KCNAB3: variants seen among roughly 807,000 people sequenced by gnomAD.
KCNAB3 encodes the protein voltage-gated potassium channel subunit beta-3.
A neutral mutation model predicts 67.7 loss-of-function variants in KCNAB3; 62 were observed. The ratio of observed to expected loss-of-function variants is 0.92; its 90% CI spans 0.75 to 1.13. KCNAB3 has a LOEUF of 1.13. KCNAB3 is among the 50% of genes most tolerant of loss of function. The pLI, the probability that KCNAB3 is intolerant of heterozygous loss-of-function variation, is 0.00. For missense variants in KCNAB3, 514 were observed against 522.9 expected, an observed-to-expected ratio of 0.98 and a Z score of 0.17; for synonymous variants, 212 against 205.4, an observed-to-expected ratio of 1.03 and a Z score of -0.27.
chr17:7,924,508 C>G lies in KCNAB3; in HGVS notation c.626-8G>C. 1.9e-6 allele frequency: 3 copies of G among 1,610,832 alleles called. No individual in the cohort carries two copies. The highest frequency in any genetic ancestry group is 2.5e-6 in the Non-Finnish European group (3 of 1,177,956). On this transcript the variant is annotated splice_polypyrimidine_tract_variant and splice_region_variant and intron_variant, in intron 8 of 13. Coordinates refer to ENST00000303790, the MANE Select transcript of KCNAB3 (RefSeq NM_004732.4). ...TCATGGCTCGCACAATCTCTAGGTA[C>G]ACAGGAGAGGGAAAGCCTTACTGTC... is the stretch of plus-strand genomic sequence containing the variant.
intron 8 of KCNAB3, 160 bp downstream of exon 8, chr17:7,924,937 G>C (rs1348137546): frequency 1.6e-5 from 10 of 637,674 alleles, no homozygotes; most frequent in East Asian, 3.0e-5. Flanking sequence ...GTAGAGACAG[G>C]GTCTTGCTAT....
chr17:7,927,145 A>G, intron 4 of KCNAB3, 199 bp downstream of exon 4: 1 of 642,544 alleles, frequency 1.6e-6, no homozygotes. Context: ...GCTGCACAGT[A>G]CGCCCATTGA....
chr17:7,926,203 C>A, intron 4 of KCNAB3, 100 bp from the exon 5 acceptor site: 1 of 1,398,198 alleles, frequency 7.2e-7, no homozygotes, highest in Non-Finnish European at 1.0e-6. Flanking sequence ...GGATATAAAC[C>A]AGGAGTCCAT....
In KCNAB3 at chr17:7,929,352, G is replaced by A. The variant is rs1022802023; in HGVS notation, c.84C>T (p.Pro28=). 1.7e-5 allele frequency: 27 copies of A among 1,549,374 alleles called. No individual in the cohort carries two copies. The highest frequency in any genetic ancestry group is 1.9e-5 in the Non-Finnish European group (22 of 1,146,866). Reference sequence around the variant, plus strand: ...CGGCCGGCCCACCATTACCGCCCCCGGGGCCCGGCCGGGGTCCACACAGAC... The same window carrying A: ...CGGCCGGCCCACCATTACCGCCCCCAGGGCCCGGCCGGGGTCCACACAGAC... ...EDRLCGPRPG[P]GGGNGGPAGG... Residue 28 remains proline, a synonymous_variant, in exon 1 of 14, where the codon CCC becomes CCT. Coordinates refer to ENST00000303790, the MANE Select transcript of KCNAB3 (RefSeq NM_004732.4). This position sits in a 1 kb window ranked among gnomAD's most constrained non-coding sequence, Gnocchi z 5.7.
Position 7,926,082 on chromosome 17 carries a change from G to A in KCNAB3, c.426C>T (p.Asn142=), listed in dbSNP as rs1174110871. ...ACCTCCAACCTTTGCTCTTGAGGAT[G>A]TTCCCTAGGGTTCTTTCAGCCCTAA... The part of the protein sequence containing the change: ...AAGKAERTLG[N]ILKSKGWRRS... Residue 142 remains asparagine, a synonymous_variant, in exon 5 of 14, where the codon AAC becomes AAT. Transcript: ENST00000303790. 6.2e-7 allele frequency: 1 copy of A among 1,614,020 alleles called. No homozygotes were observed. The highest frequency in any genetic ancestry group is 1.3e-5 in the African/African-American group (1 of 74,908).
chr17:7,925,870 C>CCAAAACCAAA, intron 6 of KCNAB3, 61 bp downstream of exon 6: 1 of 1,516,028 alleles, frequency 6.6e-7, no homozygotes, highest in Non-Finnish European at 9.2e-7. Context: ...ACCCCCACCC[C>CCAAAACCAAA]ATACACCTTC....
rs761421717 is a variant in KCNAB3 at position 7,923,077 on chromosome 17, G to A, written c.*25C>T. Reference sequence around the variant, plus strand: ...GCTCGGGCGGGTGCAGCGACACCGGGTTGGGTCCCTGCGCCCGCGACAGAC... The same window carrying A: ...GCTCGGGCGGGTGCAGCGACACCGGATTGGGTCCCTGCGCCCGCGACAGAC... On this transcript the variant is annotated 3_prime_UTR_variant, in exon 14 of 14. Coordinates refer to ENST00000303790, the MANE Select transcript of KCNAB3 (RefSeq NM_004732.4). 1.2e-6 allele frequency: 2 copies of A among 1,609,744 alleles called. No individual in the cohort carries two copies. Among genetic ancestry groups the A allele is most frequent in the East Asian group, 2.2e-5 (1 of 44,854 alleles).
chr17:7,925,673 T>C lies in KCNAB3; in HGVS notation c.538+10A>G. Reference sequence around the variant, plus strand: ...CCCCTCACTTTGGGTTTCCAGCCCCTAACTCTCACCCTCAATGATGTGCTT... The same window carrying C: ...CCCCTCACTTTGGGTTTCCAGCCCCCAACTCTCACCCTCAATGATGTGCTT... On this transcript the variant is annotated intron_variant, in intron 7 of 13. Transcript: ENST00000303790. 6.2e-7 allele frequency: 1 copy of C among 1,613,746 alleles called. No individual in the cohort carries two copies. The highest frequency in any genetic ancestry group is 2.2e-5 in the East Asian group (1 of 44,860).
In KCNAB3 at chr17:7,927,644, C is replaced by T. The variant is rs774617696; in HGVS notation, c.324+13G>A. 4 of 1,613,986 alleles carry T rather than the reference C, an allele frequency of 2.5e-6. No homozygotes were observed. Among genetic ancestry groups the T allele is most frequent in the Middle Eastern group, 1.6e-4 (1 of 6,062 alleles). On this transcript the variant is annotated intron_variant, in intron 3 of 13. Coordinates refer to ENST00000303790, the MANE Select transcript of KCNAB3 (RefSeq NM_004732.4). ...ACCCCCACCACCCTGATTCTAGGTCCGATAACTTATACCTCATCTGAGATC... is the reference window on the plus strand; with the variant it reads ...ACCCCCACCACCCTGATTCTAGGTCTGATAACTTATACCTCATCTGAGATC...
Position 7,929,398 on chromosome 17 carries a change from C to G in KCNAB3, c.38G>C (p.Arg13Pro). ...CAGACGGTCCTCACTGCTCCGGCTGCGAAGGTTCTGCTCGGTACACGCGAT... is the reference window on the plus strand; with the variant it reads ...CAGACGGTCCTCACTGCTCCGGCTGGGAAGGTTCTGCTCGGTACACGCGAT... Reference protein sequence around the residue: ...VSIACTEQNLRSRSSEDRLCG... With the variant: ...VSIACTEQNLPSRSSEDRLCG... Residue 13 changes from arginine (R) to proline (P), a missense_variant, in exon 1 of 14, where the codon CGC becomes CCC. Physicochemically the swap from Arg to Pro is moderately radical, Grantham distance 103. Coordinates refer to ENST00000303790, the MANE Select transcript of KCNAB3 (RefSeq NM_004732.4). The surrounding 1 kb of genome is among the most constrained non-coding windows in gnomAD (Gnocchi z 5.7). 6.5e-7 allele frequency: 1 copy of G among 1,548,372 alleles called. No individual in the cohort carries two copies.
At chr17:7,925,761 C>CA (rs776261541) in intron 6 of KCNAB3, 35 bp from the exon 7 acceptor site, 5 of 1,613,638 alleles carry the variant, frequency 3.1e-6, no homozygotes, top group Non-Finnish European at 3.4e-6. Flanking sequence ...TGAGATGTGA[C>CA]AAAGATAGGG....
In KCNAB3 at chr17:7,923,799, A is replaced by G. The variant is rs1203732544; in HGVS notation, c.960T>C (p.Ser320=). The change falls in exon 12 of 14, where the codon AGT becomes AGC. Residue 320 remains serine, a synonymous_variant. Coordinates refer to ENST00000303790, the MANE Select transcript of KCNAB3 (RefSeq NM_004732.4). ...TGGCTTGTTGCTTCTTGCCATCTTC[A>G]CTCTGCACTTTGTCCTTGAGCCACT... is the stretch of plus-strand genomic sequence containing the variant. ...GYQWLKDKVQ[S]EDGKKQQAKV... 2.5e-6 allele frequency: 4 copies of G among 1,580,974 alleles called. No homozygotes were observed. Among genetic ancestry groups the G allele is most frequent in the Non-Finnish European group, 3.4e-6 (4 of 1,162,946 alleles).
At chr17:7,923,260 G>T in intron 13 of KCNAB3, 81 bp from the exon 14 acceptor site, 6 of 1,428,126 alleles carry the variant, frequency 4.2e-6, no homozygotes, top group Non-Finnish European at 5.9e-6. Flanking sequence ...AGCCGGGGAA[G>T]CACCACAGTG....
rs1598040087 is a variant in KCNAB3, at chr17:7,929,478, A to AG, written c.-44dup. 2.7e-6 allele frequency: 3 copies of AG among 1,097,362 alleles called. No homozygotes were observed. Among genetic ancestry groups the AG allele is most frequent in the Admixed American group, 2.4e-5 (1 of 40,902 alleles). The allele number at this position is 1,097,362 out of a possible 1,614,324, so 68.0% of individuals were successfully genotyped here. ...GGGGAGGGGGCTCCGAGGGGACGGG[A>AG]GGGGGGAGCAGGGAAGCCCGAGGGC... On this transcript the variant is annotated 5_prime_UTR_variant, in exon 1 of 14. Coordinates refer to ENST00000303790, the MANE Select transcript of KCNAB3 (RefSeq NM_004732.4). The surrounding 1 kb of genome is among the most constrained non-coding windows in gnomAD (Gnocchi z 5.7).
rs747528432 is a variant in KCNAB3, at chr17:7,929,516, G to A, written c.-81C>T. 206 of 1,531,414 alleles carry A rather than the reference G, an allele frequency of 1.3e-4. No individual in the cohort carries two copies. Among genetic ancestry groups the A allele is most frequent in the Non-Finnish European group, 1.7e-4 (198 of 1,142,262 alleles). 94.9% of individuals were successfully genotyped at this position (1,531,414 alleles called of 1,614,324 possible). A position where few individuals can be genotyped will look rare whatever the true frequency, so the allele number is the denominator to read the frequency against. The stretch of plus-strand genomic sequence containing the variant: ...GAAGCCCGAGGGCTGACGACCGGGG[G>A]CGTAGTGGGGCGAACCCCGGCAGAG... On this transcript the variant is annotated 5_prime_UTR_variant, in exon 1 of 14. Coordinates refer to ENST00000303790, the MANE Select transcript of KCNAB3 (RefSeq NM_004732.4). This position sits in a 1 kb window ranked among gnomAD's most constrained non-coding sequence, Gnocchi z 5.7.
intron 1 of KCNAB3, chr17:7,928,358 G>T (rs919063542): frequency 1.2e-5 from 2 of 172,292 alleles, no homozygotes; most frequent in East Asian, 1.6e-4. Context: ...CTGGGGGGAG[G>T]GGGGAGAGTA....
chr17:7,923,084 C>A lies in KCNAB3; in HGVS notation c.*18G>T, dbSNP rs762534110. The A allele has an allele frequency of 6.2e-7, 1 of 1,613,302 alleles. No individual in the cohort carries two copies. The highest frequency in any genetic ancestry group is 2.2e-5 in the East Asian group (1 of 44,876). On this transcript the variant is annotated 3_prime_UTR_variant, in exon 14 of 14. Coordinates refer to ENST00000303790, the MANE Select transcript of KCNAB3 (RefSeq NM_004732.4). The stretch of plus-strand genomic sequence containing the variant: ...CGGGTGCAGCGACACCGGGTTGGGT[C>A]CCTGCGCCCGCGACAGACTACTTCT...
chr17:7,927,624 C>T (rs897899981), intron 3 of KCNAB3, 33 bp downstream of exon 3: 1 of 1,613,540 alleles, frequency 6.2e-7, no homozygotes, highest in Admixed American at 1.7e-5. Flanking sequence ...CCCTCACCCC[C>T]ACCACCCTGA....
Position 7,925,179 on chromosome 17 carries a change from C to G in KCNAB3, c.543G>C (p.Leu181Phe). The change falls in exon 8 of 14, where the codon TTG becomes TTC. Residue 181 changes from leucine to phenylalanine, a missense_variant. By Grantham distance (22) the Leu-to-Phe change is conservative. Coordinates refer to ENST00000303790, the MANE Select transcript of KCNAB3 (RefSeq NM_004732.4). ...GLSRKHIIEG[L>F]RGSLERLQLG... ...GCTGGAGGCGTTCCAGGGATCCTCG[C>G]AAGCCTGGAGGTGGGGTAGGGAGAA... 6.8e-6 allele frequency: 11 copies of G among 1,613,290 alleles called. No individual in the cohort carries two copies. Among genetic ancestry groups the G allele is most frequent in the Non-Finnish European group, 9.3e-6 (11 of 1,179,466 alleles).
Sources: gnomAD v4.1 joint callset for allele counts on GRCh38, gnomAD v4.1.1 for gene constraint, Gnocchi (gnomAD v3.1) non-coding constraint, MANE v1.5 for transcripts, NCBI Gene and HGNC (gene_info 2026-07-23, HGNC 2026-07-21) for gene names.